The following DHX38 variants were observed in gnomAD, a reference collection of about 807,000 sequenced individuals.
DHX38 encodes DEAH-box helicase 38.
In DHX38, 100 loss-of-function variants were observed where a neutral mutation model predicts 153.1. That is an observed-to-expected ratio of 0.65 (90% CI 0.56 to 0.77). The LOEUF is 0.77. DHX38 is among the 30% of genes least tolerant of loss of function. The probability of loss-of-function intolerance (pLI) is 0.00; values close to 1 mark genes in which losing one functional copy is unlikely to be tolerated. For missense variants in DHX38, 1,440 were observed against 1,654.0 expected (o/e 0.87, Z 2.24); for synonymous variants, 650 against 631.7 (o/e 1.03, Z -0.43).
intron 1 of DHX38, among the ~76,000 whole-genome samples, chr16:72,095,245 T>C (rs1260027938): frequency 6.6e-6 from 1 of 152,246 alleles, no homozygotes. Context: ...CCAGAAGTCT[T>C]GTAGCCACTT....
chr16:72,112,738 G>T lies in DHX38; in HGVS notation c.*241G>T, dbSNP rs1229736370. Reference sequence around the variant, plus strand: ...TATCCGAGGTGCTGCCGGGGCAGCGGGAGGTGGCTGGACCCATCGCATCTA... The same window carrying T: ...TATCCGAGGTGCTGCCGGGGCAGCGTGAGGTGGCTGGACCCATCGCATCTA... On this transcript the variant is annotated 3_prime_UTR_variant, in exon 27 of 27. Coordinates refer to ENST00000268482, the MANE Select transcript of DHX38 (RefSeq NM_014003.4). 7.1e-6 allele frequency: 5 copies of T among 704,044 alleles called. No homozygotes were observed. In the African/African-American group the frequency reaches 8.7e-5, roughly 12 times the overall value. 43.6% of individuals were successfully genotyped at this position (704,044 alleles called of 1,614,324 possible).
Position 72,096,835 on chromosome 16 carries a change from G to C in DHX38, c.337G>C (p.Ala113Pro), listed in dbSNP as rs775810927. 6.2e-7 allele frequency: 1 copy of C among 1,613,372 alleles called. No individual in the cohort carries two copies. Among genetic ancestry groups the C allele is most frequent in the South Asian group, 1.1e-5 (1 of 91,030 alleles). ...TCCCTGTTTCAGACATTATCGGTCTGCTCGGGTAGAGACTCCATCCCATCC... is the reference window on the plus strand; with the variant it reads ...TCCCTGTTTCAGACATTATCGGTCTCCTCGGGTAGAGACTCCATCCCATCC... ...NIRKDRHYRS[A>P]RVETPSHPGG... Residue 113 changes from alanine to proline, a missense_variant, in exon 3 of 27, where the codon GCT (alanine) becomes CCT (proline). Ala to Pro is a conservative substitution (Grantham distance 27). Coordinates refer to ENST00000268482, the MANE Select transcript of DHX38 (RefSeq NM_014003.4).
chr16:72,106,824 T>C (rs2042184980), intron 19 of DHX38, among the ~76,000 whole-genome samples: 1 of 152,128 alleles, frequency 6.6e-6, no homozygotes, highest in Non-Finnish European at 1.5e-5. Flanking sequence ...TAGAAAAATA[T>C]CAAGAAAATA....
chr16:72,108,960 C>A, intron 24 of DHX38, 35 bp downstream of exon 24: 1 of 1,556,462 alleles, frequency 6.4e-7, no homozygotes, highest in Admixed American at 1.9e-5. Flanking sequence ...ATAATGCAGG[C>A]CCCCTGTCTG....
intron 24 of DHX38, 61 bp downstream of exon 24, chr16:72,108,986 C>CACCGAGAT: frequency 6.5e-7 from 1 of 1,532,176 alleles, no homozygotes; most frequent in Admixed American, 2.1e-5. Flanking sequence ...GCTTTGAAAC[C>CACCGAGAT]CTTCACTGCG....
rs2042143875 is a variant in DHX38, at chr16:72,104,421, T to C, written c.2011-65T>C. ...TGTGTTTCCTCGGGGGTGGTGCTGATGGGACTGGGGGACAGGAGCCAAGGG... is the reference window on the plus strand; with the variant it reads ...TGTGTTTCCTCGGGGGTGGTGCTGACGGGACTGGGGGACAGGAGCCAAGGG... On this transcript the variant is annotated intron_variant, in intron 14 of 26. Transcript: ENST00000268482. The surrounding 1 kb of genome is among the most constrained non-coding windows in gnomAD (Gnocchi z 4.5). 6.3e-7 allele frequency: 1 copy of C among 1,597,244 alleles called. No individual in the cohort carries two copies. The highest frequency in any genetic ancestry group is 8.5e-7 in the Non-Finnish European group (1 of 1,174,426).
intron 3 of DHX38, 64 bp from the exon 4 acceptor site, chr16:72,097,613 G>T: frequency 6.7e-7 from 1 of 1,496,340 alleles, no homozygotes; most frequent in Non-Finnish European, 9.2e-7. Context: ...CCTTTCTCTA[G>T]GGTGAAGATG....
chr16:72,109,589 C>T (rs563501594), intron 25 of DHX38, 79 bp downstream of exon 25: 30 of 1,355,340 alleles, frequency 2.2e-5, no homozygotes, highest in East Asian at 2.8e-5. Context: ...TGAAGACTTG[C>T]GGTCATCCAA....
intron 26 of DHX38, among the ~76,000 whole-genome samples, chr16:72,111,678 C>G (rs967439613): frequency 1.3e-5 from 2 of 152,222 alleles, no homozygotes; most frequent in Admixed American, 6.5e-5. Context: ...AAATGCGAAG[C>G]CTCGTTTGTC....
At chr16:72,100,744 A>C in intron 9 of DHX38, 147 bp downstream of exon 9, 1 of 1,207,680 alleles carries the variant, frequency 8.3e-7, no homozygotes, top group Non-Finnish European at 1.1e-6. Context: ...CTGCCTGGGC[A>C]ATATAGTGAA....
At chr16:72,103,417 C>T (rs141193227) in intron 12 of DHX38, among the ~76,000 whole-genome samples, 185 bp from the exon 13 acceptor site, 2 of 152,338 alleles carry the variant, frequency 1.3e-5, no homozygotes, top group Non-Finnish European at 2.9e-5. Flanking sequence ...TAAACCTCAC[C>T]GTATTCCAGA....
chr16:72,099,902 AG>A lies in DHX38; in HGVS notation c.1116+16del. The A allele has an allele frequency of 6.3e-7, 1 of 1,589,922 alleles. No individual in the cohort carries two copies. On this transcript the variant is annotated intron_variant, in intron 8 of 26. Coordinates refer to ENST00000268482, the MANE Select transcript of DHX38 (RefSeq NM_014003.4). ...AGATCAATGAGGTGAGGCTGCCTGC[AG>A]AAGTTGGAGCAGATTCAGAGCTGGA...
rs2042149563 is a variant in DHX38 at position 72,104,705 on chromosome 16, G to C, written c.2151+79G>C. ...ATGCGAAGCCGGCTGGAGGGTGGAG[G>C]GTGGGTAGGGGACTGGGTTGGAGAA... On this transcript the variant is annotated intron_variant, in intron 15 of 26. Coordinates refer to ENST00000268482, the MANE Select transcript of DHX38 (RefSeq NM_014003.4). The surrounding 1 kb of genome is among the most constrained non-coding windows in gnomAD (Gnocchi z 4.5). The C allele has an allele frequency of 6.3e-7, 1 of 1,586,632 alleles. No homozygotes were observed. The highest frequency in any genetic ancestry group is 8.6e-7 in the Non-Finnish European group (1 of 1,164,284).
chr16:72,107,038 G>A lies in DHX38; in HGVS notation c.2601-302G>A, dbSNP rs142589036. On this transcript the variant is annotated intron_variant, in intron 19 of 26. Transcript: ENST00000268482. The surrounding 1 kb of genome is among the most constrained non-coding windows in gnomAD (Gnocchi z 5.3). Reference sequence around the variant, plus strand: ...ACAAAAATCAGCTGGGCGTGGTGGCGGATGCCTGTAGTCCCAGCTACTCGG... The same window carrying A: ...ACAAAAATCAGCTGGGCGTGGTGGCAGATGCCTGTAGTCCCAGCTACTCGG... 0.062 allele frequency among the ~76,000 whole-genome samples: 9,371 copies of A among 152,122 alleles called. 388 individuals carry two copies. The highest frequency in any genetic ancestry group is 0.089 in the Non-Finnish European group (6,035 of 68,008).
chr16:72,097,020 C>T lies in DHX38; in HGVS notation c.511+11C>T, dbSNP rs147170871. ...GCAAGAGGGACAGAGGTAAACTGTC[C>T]AGCACAGTTCCTATTGTCCATTAGC... On this transcript the variant is annotated intron_variant, in intron 3 of 26. Coordinates refer to ENST00000268482, the MANE Select transcript of DHX38 (RefSeq NM_014003.4). The T allele has an allele frequency of 8.7e-4, 1,396 of 1,603,890 alleles. 3 individuals are homozygous for T. The highest frequency in any genetic ancestry group is 6.5e-3 in the Middle Eastern group (39 of 5,998).
chr16:72,105,244 C>G lies in DHX38; in HGVS notation c.2275C>G (p.Gln759Glu). 1 of 1,614,154 alleles carries G rather than the reference C, an allele frequency of 6.2e-7. No individual in the cohort carries two copies. Among genetic ancestry groups the G allele is most frequent in the Non-Finnish European group, 8.5e-7 (1 of 1,180,034 alleles). The change falls in exon 17 of 27, where the codon CAG (glutamine) becomes GAG (glutamate). Residue 759 changes from glutamine (Q) to glutamate (E), a missense_variant. Gln to Glu is a conservative substitution (Grantham distance 29). Transcript: ENST00000268482. ...CCTGGGCTCTCAGGTGACCTCAGAC[C>G]AGATTGTGGAGCATCTGGAGGAACT... The part of the protein sequence containing the change: ...GQEDIEVTSD[Q>E]IVEHLEELEN...
chr16:72,096,098 C>A, intron 1 of DHX38, 41 bp from the exon 2 acceptor site: 1 of 1,537,632 alleles, frequency 6.5e-7, no homozygotes. Flanking sequence ...TATAGTAGAG[C>A]TGAGCCTTCT....
intron 24 of DHX38, among the ~76,000 whole-genome samples, 199 bp downstream of exon 24, chr16:72,109,124 C>A (rs1202971430): frequency 6.6e-6 from 1 of 152,216 alleles, no homozygotes; most frequent in Non-Finnish European, 1.5e-5. Context: ...ACTGCATTGA[C>A]CTCAGCTGCA....
chr16:72,094,308 G>C (rs7194668), intron 1 of DHX38: 80,756 of 152,352 alleles, frequency 0.53, 22,992 homozygotes, highest in African/African-American at 0.75. Flanking sequence ...AGTGGCCTTG[G>C]TCCCTCTCCC....
Sources: allele counts gnomAD v4.1 joint callset (sites outside exome capture counted in the v4.1 genomes callset), GRCh38; gene constraint gnomAD v4.1.1; non-coding constraint Gnocchi (gnomAD v3.1); transcripts MANE v1.5; gene names NCBI Gene and HGNC (gene_info 2026-07-23, HGNC 2026-07-21).